The following SIMC1 variants were observed in gnomAD, a reference collection of about 807,000 sequenced individuals.
SIMC1 encodes the protein SUMO-interacting motif-containing protein 1.
Under a neutral mutation model 82.3 loss-of-function variants are expected in SIMC1, and 55 were observed. That is an observed-to-expected ratio of 0.67 (90% CI 0.54 to 0.84). The LOEUF (loss-of-function observed/expected upper bound fraction) is 0.84. SIMC1 is among the 40% of genes least tolerant of loss of function. The pLI, the probability that SIMC1 is intolerant of heterozygous loss-of-function variation, is 0.00. For missense variants in SIMC1, 915 were observed against 1,107.2 expected (o/e 0.83, Z 2.46); for synonymous variants, 353 against 426.3 (o/e 0.83, Z 2.12).
chr5:176,271,299 G>A (rs1762414514), intron 1 of SIMC1, among the ~76,000 whole-genome samples: 1 of 152,186 alleles, frequency 6.6e-6, no homozygotes, highest in African/African-American at 2.4e-5. Flanking sequence ...GGCGGAAGTT[G>A]CAGTGAGCCA....
At chr5:176,343,598 G>A (rs529443747) in intron 9 of SIMC1, among the ~76,000 whole-genome samples, 1 of 152,202 alleles carries the variant, frequency 6.6e-6, no homozygotes, top group Non-Finnish European at 1.5e-5. Context: ...CTAAGATTTT[G>A]ACACATTTGG....
chr5:176,289,988 A>G lies in SIMC1; in HGVS notation c.464A>G (p.Tyr155Cys), dbSNP rs898344522. The G allele has an allele frequency of 2.5e-6, 4 of 1,613,280 alleles. No individual in the cohort carries two copies. The African/African-American group carries it at 4.0e-5, about 16-fold the overall frequency. Residue 155 changes from tyrosine to cysteine, a missense_variant, in exon 2 of 10, where the codon TAT (tyrosine) becomes TGT (cysteine). Coordinates refer to ENST00000429602, the MANE Select transcript of SIMC1 (RefSeq NM_001308195.2). ...ACATCCATCAGTGGAGGCTCTGTTT[A>G]TCCAACAGAGCCTAATTGTAGCTCA... ...PATSISGGSV[Y>C]PTEPNCSSAT...
At chr5:176,329,496 TAAAA>T (rs60571584) in intron 7 of SIMC1, among the ~76,000 whole-genome samples, 2 of 126,592 alleles carry the variant, frequency 1.6e-5, no homozygotes, top group African/African-American at 3.0e-5. Flanking sequence ...ACTCCCTCTT[TAAAA>T]AAAAAAAAAA....
rs765772699 is a variant in SIMC1 at position 176,336,893 on chromosome 5, C to T, written c.2328+17C>T. 1.2e-6 allele frequency: 2 copies of T among 1,613,634 alleles called. No homozygotes were observed. Among genetic ancestry groups the T allele is most frequent in the Admixed American group, 1.7e-5 (1 of 60,014 alleles). On this transcript the variant is annotated intron_variant, in intron 8 of 9. Transcript: ENST00000429602. ...AAGTGTCAGGTACATTTTTTCCTGCCCAATTTCAGGCCTAGAGCACCTCTC... is the reference window on the plus strand; with the variant it reads ...AAGTGTCAGGTACATTTTTTCCTGCTCAATTTCAGGCCTAGAGCACCTCTC...
At chr5:176,272,857 T>C (rs756873236) in intron 1 of SIMC1, among the ~76,000 whole-genome samples, 1 of 152,194 alleles carries the variant, frequency 6.6e-6, no homozygotes, top group Non-Finnish European at 1.5e-5. Flanking sequence ...AGTCTGAGAT[T>C]GAACTGCAAG....
chr5:176,295,235 C>G lies in SIMC1; in HGVS notation c.1637C>G (p.Ala546Gly). 6.2e-7 allele frequency: 1 copy of G among 1,613,024 alleles called. No individual in the cohort carries two copies. The highest frequency in any genetic ancestry group is 2.2e-5 in the East Asian group (1 of 44,868). ...GAGACTGTGGATGTCCTAAAGGAGG[C>G]CTACATGCTTCTCATGAAAATTCAA... ...GSETVDVLKE[A>G]YMLLMKIQQL... Residue 546 changes from alanine to glycine, a missense_variant, in exon 3 of 10, where the codon GCC (alanine) becomes GGC (glycine). By Grantham distance (60) the Ala-to-Gly change is moderately conservative. Transcript: ENST00000429602.
chr5:176,331,175 C>T (rs1390922717), intron 7 of SIMC1, among the ~76,000 whole-genome samples: 1 of 151,698 alleles, frequency 6.6e-6, no homozygotes, highest in African/African-American at 2.4e-5. Context: ...TCAATACCAT[C>T]CTGGCTAACA....
chr5:176,273,683 T>C (rs942070968), intron 1 of SIMC1, among the ~76,000 whole-genome samples: 3 of 151,758 alleles, frequency 2.0e-5, no homozygotes, highest in East Asian at 1.9e-4. Context: ...GTCCCCAGAG[T>C]GTGATGTTTC....
At chr5:176,322,021 T>C (rs535743562) in intron 5 of SIMC1, among the ~76,000 whole-genome samples, 1 of 148,576 alleles carries the variant, frequency 6.7e-6, no homozygotes, top group South Asian at 2.2e-4. Context: ...CCACCATACC[T>C]GGCCTTTAGT....
chr5:176,260,384 CA>C (rs1369680284), intron 1 of SIMC1, among the ~76,000 whole-genome samples: 1 of 152,034 alleles, frequency 6.6e-6, no homozygotes, highest in African/African-American at 2.4e-5. Flanking sequence ...GTAGGTACAC[CA>C]AAACCTCACA....
chr5:176,291,187 C>G (rs1181378106), intron 2 of SIMC1, among the ~76,000 whole-genome samples: 3 of 139,876 alleles, frequency 2.1e-5, no homozygotes, highest in African/African-American at 7.9e-5. Flanking sequence ...TTTTTGAGAC[C>G]GAGTCTTGCT....
Position 176,289,980 on chromosome 5 carries a change from C to G in SIMC1, c.456C>G (p.Gly152=). ...CACCCGCTACATCCATCAGTGGAGG[C>G]TCTGTTTATCCAACAGAGCCTAATT... ...GPPPATSISG[G]SVYPTEPNCS... Residue 152 remains glycine (G), a synonymous_variant, in exon 2 of 10, where the codon GGC becomes GGG. Transcript: ENST00000429602. 1 of 1,613,544 alleles carries G rather than the reference C, an allele frequency of 6.2e-7. No homozygotes were observed. Among genetic ancestry groups the G allele is most frequent in the Non-Finnish European group, 8.5e-7 (1 of 1,179,526 alleles).
At chr5:176,309,073 C>T (rs559566854) in intron 4 of SIMC1, 7 of 711,322 alleles carry the variant, frequency 9.8e-6, no homozygotes, top group East Asian at 2.4e-5. Flanking sequence ...TAAGCTAAAT[C>T]AATTTTGAAG....
chr5:176,302,548 GACAGAGCAGTTA>G (rs1764085573), intron 4 of SIMC1, among the ~76,000 whole-genome samples: 1 of 152,030 alleles, frequency 6.6e-6, no homozygotes, highest in Admixed American at 6.6e-5. Flanking sequence ...TCAAGACCTA[GACAGAGCAGTTA>G]GTCAAGAAAA....
rs759854229 is a variant in SIMC1, at chr5:176,337,126, G to C, written c.2393G>C (p.Ser798Thr). 1.2e-6 allele frequency: 2 copies of C among 1,613,930 alleles called. No individual in the cohort carries two copies. The highest frequency in any genetic ancestry group is 3.3e-5 in the Admixed American group (2 of 59,986). ...GAGCATCTGCAGTTTCTGCTGTCCA[G>C]TTATCAACATGTTTTAAGAGGTAAG... The part of the protein sequence containing the change: ...LVEHLQFLLS[S>T]YQHVLREHLR... Residue 798 changes from serine (S) to threonine (T), a missense_variant, in exon 9 of 10, where the codon AGT becomes ACT. Transcript: ENST00000429602.
chr5:176,309,095 G>A, intron 4 of SIMC1: 1 of 683,880 alleles, frequency 1.5e-6, no homozygotes, highest in Non-Finnish European at 2.6e-6. Context: ...AGAAAAACTT[G>A]GAGGACTCAC....
chr5:176,275,969 G>A (rs1762672333), intron 1 of SIMC1, among the ~76,000 whole-genome samples: 1 of 151,636 alleles, frequency 6.6e-6, no homozygotes, highest in Admixed American at 6.6e-5. Flanking sequence ...TTTGGTATCA[G>A]GATGATGCTG....
intron 5 of SIMC1, among the ~76,000 whole-genome samples, chr5:176,315,204 TCTA>T (rs1177035081): frequency 6.6e-6 from 1 of 152,142 alleles, no homozygotes; most frequent in African/African-American, 2.4e-5. Context: ...TCAGGAAGCT[TCTA>T]CTCATGACAG....
At chr5:176,335,038 A>G (rs1017747385) in intron 7 of SIMC1, among the ~76,000 whole-genome samples, 1 of 151,806 alleles carries the variant, frequency 6.6e-6, no homozygotes, top group Non-Finnish European at 1.5e-5. Context: ...TGGAGGTTGC[A>G]GTGAGCTGAG....
Sources: allele counts gnomAD v4.1 joint callset (sites outside exome capture counted in the v4.1 genomes callset), GRCh38; gene constraint gnomAD v4.1.1; transcripts MANE v1.5; gene names NCBI Gene and HGNC (gene_info 2026-07-23, HGNC 2026-07-21).